The following ALPK1 variants were observed in gnomAD, a reference collection of about 807,000 sequenced individuals.
ALPK1 encodes alpha kinase 1.
A neutral mutation model predicts 120.6 loss-of-function variants in ALPK1; 110 were observed. The observed-to-expected ratio is 0.91, with a 90% confidence interval of 0.78 to 1.07. The LOEUF is 1.07. ALPK1 is among the 50% of genes least tolerant of loss of function. ALPK1 has a pLI of 0.00. For missense variants in ALPK1, 1,498 were observed against 1,483.9 expected (o/e 1.01, Z -0.16); for synonymous variants, 582 against 560.3 (o/e 1.04, Z -0.55).
At chr4:112,403,841 G>A (rs1733036506) in intron 4 of ALPK1, among the ~76,000 whole-genome samples, 1 of 152,160 alleles carries the variant, frequency 6.6e-6, no homozygotes, top group South Asian at 2.1e-4. Flanking sequence ...AGGCTTTTGT[G>A]CTCCAATCTA....
chr4:112,413,901 C>T (rs1014779258), intron 5 of ALPK1, among the ~76,000 whole-genome samples: 2 of 152,152 alleles, frequency 1.3e-5, no homozygotes, highest in Admixed American at 1.3e-4. Flanking sequence ...ATCTTTTTCC[C>T]TAATGGTTGG....
intron 2 of ALPK1, among the ~76,000 whole-genome samples, chr4:112,328,858 C>T (rs961713269): frequency 3.3e-5 from 5 of 152,170 alleles, no homozygotes; most frequent in Non-Finnish European, 7.4e-5. Flanking sequence ...ACATCCCACC[C>T]AACATGATAG....
At chr4:112,326,233 C>A (rs775932616) in intron 2 of ALPK1, among the ~76,000 whole-genome samples, 15 of 152,134 alleles carry the variant, frequency 9.9e-5, no homozygotes, top group Admixed American at 5.9e-4. Context: ...TGCTACAAGC[C>A]CCTTTGCTGT....
At chr4:112,328,601 G>T (rs1184264622) in intron 2 of ALPK1, among the ~76,000 whole-genome samples, 1 of 152,204 alleles carries the variant, frequency 6.6e-6, no homozygotes, top group Non-Finnish European at 1.5e-5. Context: ...GACTTCTGGA[G>T]TGCCACACTG....
rs1239959383 is a variant in ALPK1 at position 112,424,069 on chromosome 4, C to T, written c.535+66C>T. 3 of 1,477,104 alleles carry T rather than the reference C, an allele frequency of 2.0e-6. No homozygotes were observed. The East Asian group carries it at 6.8e-5, about 33-fold the overall frequency. 91.5% of individuals were successfully genotyped at this position (1,477,104 alleles called of 1,614,324 possible). ...CCCGAACAGAGCACTCATTTAATAA[C>T]AACTTAGTGACTTAATAGTTACTAT... On this transcript the variant is annotated intron_variant, in intron 6 of 15. Transcript: ENST00000650871.
chr4:112,398,886 G>A (rs1732785524), intron 4 of ALPK1, among the ~76,000 whole-genome samples: 1 of 152,146 alleles, frequency 6.6e-6, no homozygotes, highest in South Asian at 2.1e-4. Context: ...GAAAAAAAGA[G>A]TCACAAACGT....
At chr4:112,303,793 A>C (rs1727896653) in intron 1 of ALPK1, among the ~76,000 whole-genome samples, 1 of 151,734 alleles carries the variant, frequency 6.6e-6, no homozygotes, top group Non-Finnish European at 1.5e-5. Flanking sequence ...GTACATGTGC[A>C]CAACATGCAG....
intron 2 of ALPK1, among the ~76,000 whole-genome samples, chr4:112,316,935 A>G (rs140821588): frequency 1.8e-3 from 276 of 152,296 alleles, no homozygotes; most frequent in Middle Eastern, 3.4e-3. Flanking sequence ...ACAAATGTGC[A>G]TGACATTTAT....
chr4:112,403,599 T>C (rs1733026330), intron 4 of ALPK1, among the ~76,000 whole-genome samples: 1 of 152,188 alleles, frequency 6.6e-6, no homozygotes, highest in Non-Finnish European at 1.5e-5. Flanking sequence ...CACAATGCTA[T>C]TGAAGTGCTT....
chr4:112,333,695 A>G (rs550155119), intron 2 of ALPK1, among the ~76,000 whole-genome samples: 1 of 152,152 alleles, frequency 6.6e-6, no homozygotes, highest in South Asian at 2.1e-4. Flanking sequence ...TTCATTTAGC[A>G]CTTAAGAATC....
At chr4:112,310,490 T>C (rs1168482590) in intron 1 of ALPK1, among the ~76,000 whole-genome samples, 1 of 152,126 alleles carries the variant, frequency 6.6e-6, no homozygotes, top group Non-Finnish European at 1.5e-5. Context: ...AGGTTGTCCA[T>C]AGCATGGCCA....
At chr4:112,309,907 C>T (rs1728319677) in intron 1 of ALPK1, among the ~76,000 whole-genome samples, 1 of 152,072 alleles carries the variant, frequency 6.6e-6, no homozygotes, top group African/African-American at 2.4e-5. Flanking sequence ...CCACTTTGTC[C>T]TGTTAGGTTA....
rs1171674994 is a variant in ALPK1, at chr4:112,432,167, CTG to C, written c.2623_2624del (p.Cys875HisfsTer20). On this transcript the variant is annotated frameshift_variant, in exon 11 of 16. Transcript: ENST00000650871. LOFTEE classifies it high-confidence loss of function. ...PCTNGHGSHR[L>X]CILRQPPGQR... ...CACAAATGGGCACGGCTCTCATAGA[CTG>C]TGCATTCTGAGACAGCCGCCTGGTC... The C allele has an allele frequency of 5.6e-6, 9 of 1,614,100 alleles. No homozygotes were observed. The African/African-American group carries it at 8.0e-5, about 14-fold the overall frequency.
chr4:112,433,008 G>T (rs1171652170), intron 11 of ALPK1, among the ~76,000 whole-genome samples: 13 of 152,160 alleles, frequency 8.5e-5, no homozygotes, highest in African/African-American at 3.1e-4. Context: ...TCTCCTTCGA[G>T]TCTTTTTACC....
At chr4:112,315,266 T>A (rs1443151937) in intron 1 of ALPK1, among the ~76,000 whole-genome samples, 1 of 152,228 alleles carries the variant, frequency 6.6e-6, no homozygotes, top group Non-Finnish European at 1.5e-5. Context: ...ACTGGGGGAT[T>A]CCCATTTTTC....
At chr4:112,297,519 G>A (rs542030064) in intron 1 of ALPK1, 50 bp downstream of exon 1, 1 of 152,176 alleles carries the variant, frequency 6.6e-6, no homozygotes, top group East Asian at 1.9e-4. Flanking sequence ...CATAATATAT[G>A]AGGAAGTATT....
rs141928247 is a variant in ALPK1 at position 112,335,640 on chromosome 4, C to G, written c.-101+19788C>G. ...CATAATGGATATAATATATTCAAGC[C>G]ACATAATCTGGAGGCAAAAAATATA... On this transcript the variant is annotated intron_variant, in intron 2 of 15. Coordinates refer to ENST00000650871, the MANE Select transcript of ALPK1 (RefSeq NM_025144.4). Among the ~76,000 whole-genome samples, 297 of 152,240 alleles carry G rather than the reference C, an allele frequency of 2.0e-3. 1 individual carries two copies. Among genetic ancestry groups the G allele is most frequent in the African/African-American group, 6.5e-3 (269 of 41,534 alleles).
At chr4:112,371,351 A>C (rs893703240) in intron 2 of ALPK1, among the ~76,000 whole-genome samples, 1 of 152,186 alleles carries the variant, frequency 6.6e-6, no homozygotes, top group Non-Finnish European at 1.5e-5. Flanking sequence ...AGGTGAAGAT[A>C]CAATTTTTTA....
At chr4:112,380,762 G>T (rs1420781106) in intron 3 of ALPK1, among the ~76,000 whole-genome samples, 1 of 151,848 alleles carries the variant, frequency 6.6e-6, no homozygotes, top group Non-Finnish European at 1.5e-5. Context: ...TAATCATACT[G>T]GTCTTTCACC....
Sources: allele counts gnomAD v4.1 joint callset (sites outside exome capture counted in the v4.1 genomes callset), GRCh38; gene constraint gnomAD v4.1.1; transcripts MANE v1.5; gene names NCBI Gene and HGNC (gene_info 2026-07-23, HGNC 2026-07-21).